The following PARD3B variants were observed in gnomAD, a reference collection of about 807,000 sequenced individuals.
PARD3B encodes partitioning defective 3 homolog B.
In PARD3B, 103 loss-of-function variants were observed where a neutral mutation model predicts 130.2. That is an observed-to-expected ratio of 0.79 (90% CI 0.67 to 0.93). The LOEUF (loss-of-function observed/expected upper bound fraction) is 0.93. PARD3B is among the 40% of genes least tolerant of loss of function. PARD3B has a pLI of 0.00. For missense variants in PARD3B, 1,609 were observed against 1,499.2 expected (o/e 1.07, Z -1.21); for synonymous variants, 583 against 553.2 (o/e 1.05, Z -0.76).
chr2:205,098,890 C>G (rs985165407), intron 4 of PARD3B, among the ~76,000 whole-genome samples: 20 of 152,014 alleles, frequency 1.3e-4, no homozygotes, highest in African/African-American at 4.1e-4. Context: ...TGTTTAAATC[C>G]AACTCATTTT....
chr2:204,841,530 A>T (rs1395626461), intron 2 of PARD3B, among the ~76,000 whole-genome samples: 1 of 152,154 alleles, frequency 6.6e-6, no homozygotes, highest in Admixed American at 6.5e-5. Context: ...TGTTACTGTC[A>T]GTGCCTGTTT....
chr2:204,682,420 C>T (rs2036877246), intron 1 of PARD3B, among the ~76,000 whole-genome samples: 1 of 152,102 alleles, frequency 6.6e-6, no homozygotes, highest in Non-Finnish European at 1.5e-5. Context: ...GTTAATCATA[C>T]AAAACACATA....
intron 2 of PARD3B, among the ~76,000 whole-genome samples, chr2:204,861,017 A>T (rs2045162492): frequency 6.6e-6 from 1 of 152,288 alleles, no homozygotes; most frequent in East Asian, 1.9e-4. Context: ...TTAGGGGGTT[A>T]TAGTCATTAC....
intron 21 of PARD3B, among the ~76,000 whole-genome samples, chr2:205,506,589 A>G (rs1247517514): frequency 6.6e-6 from 1 of 152,206 alleles, no homozygotes; most frequent in African/African-American, 2.4e-5. Flanking sequence ...AGATCATGCT[A>G]ACCATCTTAA....
At chr2:205,179,352 T>C (rs1428262616) in intron 13 of PARD3B, among the ~76,000 whole-genome samples, 7 of 151,498 alleles carry the variant, frequency 4.6e-5, no homozygotes, top group Non-Finnish European at 8.9e-5. Context: ...GTCTGTAATG[T>C]CTATAGTAGT....
At chr2:205,098,718 T>A (rs761346793) in intron 4 of PARD3B, among the ~76,000 whole-genome samples, 3 of 152,182 alleles carry the variant, frequency 2.0e-5, no homozygotes, top group Non-Finnish European at 4.4e-5. Context: ...GAGAGACCGT[T>A]GCCCCTCTTG....
At chr2:205,570,421 C>T (rs576439902) in intron 22 of PARD3B, among the ~76,000 whole-genome samples, 1 of 152,238 alleles carries the variant, frequency 6.6e-6, no homozygotes, top group Non-Finnish European at 1.5e-5. Context: ...TTATTTCATT[C>T]GTAAAAACTT....
At chr2:205,038,615 A>C (rs889863381) in intron 3 of PARD3B, among the ~76,000 whole-genome samples, 1 of 152,196 alleles carries the variant, frequency 6.6e-6, no homozygotes, top group East Asian at 1.9e-4. Flanking sequence ...AAGTGAGTTA[A>C]AAACCCCTTC....
At position 204,890,898 on chromosome 2, in the gene PARD3B, A is replaced by G. The variant is rs1341228942; in HGVS notation, c.223-74254A>G. ...AGGATTTAAAACAACTGTGACATTG[A>G]TCCTTTTCAACAGGCAAGAGATAAT... On this transcript the variant is annotated intron_variant, in intron 2 of 22. Coordinates refer to ENST00000406610, the MANE Select transcript of PARD3B (RefSeq NM_001302769.2). The surrounding 1 kb of genome is among the most constrained non-coding windows in gnomAD (Gnocchi z 4.9). 1.3e-5 allele frequency among the ~76,000 whole-genome samples: 2 copies of G among 151,994 alleles called. No individual in the cohort carries two copies. The highest frequency in any genetic ancestry group is 4.8e-5 in the African/African-American group (2 of 41,308).
chr2:204,939,610 T>G (rs1279540677), intron 2 of PARD3B, among the ~76,000 whole-genome samples: 6 of 152,352 alleles, frequency 3.9e-5, no homozygotes, highest in East Asian at 1.9e-4. Flanking sequence ...CAGGAATCAA[T>G]ATTTTTTAAC....
rs943473670 is a variant in PARD3B, at chr2:204,590,281, C to T, written c.120+44162C>T. 7.2e-5 allele frequency among the ~76,000 whole-genome samples: 11 copies of T among 152,210 alleles called. No homozygotes were observed. In the East Asian group the frequency reaches 1.7e-3, roughly 24 times the overall value. ...ACTAATTCCATTATGAGGGCCCCAT[C>T]CTTATGACTTAATTACCTTCCCAAC... On this transcript the variant is annotated intron_variant, in intron 1 of 22. Coordinates refer to ENST00000406610, the MANE Select transcript of PARD3B (RefSeq NM_001302769.2).
intron 16 of PARD3B, among the ~76,000 whole-genome samples, chr2:205,289,704 A>G (rs1422751206): frequency 6.6e-6 from 1 of 152,172 alleles, no homozygotes; most frequent in East Asian, 1.9e-4. Context: ...CCATTAACCC[A>G]TTCATAAATT....
At chr2:205,377,763 ATTTTTTTTT>A (rs3048124) in intron 18 of PARD3B, among the ~76,000 whole-genome samples, 2 of 117,494 alleles carry the variant, frequency 1.7e-5, no homozygotes, top group Non-Finnish European at 1.7e-5. Context: ...GTGTAATCCA[ATTTTTTTTT>A]TTTTTTTTTT....
At chr2:204,724,639 A>G (rs116247888) in intron 2 of PARD3B, among the ~76,000 whole-genome samples, 102 of 152,212 alleles carry the variant, frequency 6.7e-4, no homozygotes, top group Non-Finnish European at 1.2e-3. Context: ...TAACTTGGAG[A>G]GGTGACCCTT....
chr2:205,178,216 T>C (rs1576084287), intron 13 of PARD3B, among the ~76,000 whole-genome samples: 1 of 60,578 alleles, frequency 1.7e-5, no homozygotes, highest in Non-Finnish European at 3.4e-5. Flanking sequence ...TAATCCCAGC[T>C]ACTATGGGGG....
In PARD3B at chr2:204,790,251, G is replaced by A. The variant is rs73982522; in HGVS notation, c.222+103969G>A. Among the ~76,000 whole-genome samples the A allele has an allele frequency of 6.1e-3, 925 of 152,262 alleles. 12 individuals are homozygous for A. Among genetic ancestry groups the A allele is most frequent in the African/African-American group, 0.021 (881 of 41,564 alleles). Reference sequence around the variant, plus strand: ...TTCTACCAGCTCTTTATCTCTGGTTGTTTGTTTTGCAGTTAAAAACAAGAT... The same window carrying A: ...TTCTACCAGCTCTTTATCTCTGGTTATTTGTTTTGCAGTTAAAAACAAGAT... On this transcript the variant is annotated intron_variant, in intron 2 of 22. Transcript: ENST00000406610.
intron 2 of PARD3B, among the ~76,000 whole-genome samples, chr2:204,913,046 A>G (rs978630815): frequency 2.6e-5 from 4 of 152,238 alleles, no homozygotes; most frequent in African/African-American, 7.2e-5. Context: ...TGAATTTTCA[A>G]ATGTTTAACT....
chr2:204,618,460 A>G (rs1203296461), intron 1 of PARD3B, among the ~76,000 whole-genome samples: 2 of 152,212 alleles, frequency 1.3e-5, no homozygotes, highest in Non-Finnish European at 2.9e-5. Flanking sequence ...ATAAAGTGCT[A>G]TTCAGAGTGG....
At chr2:204,697,670 GT>G (rs1187343308) in intron 2 of PARD3B, among the ~76,000 whole-genome samples, 2 of 152,172 alleles carry the variant, frequency 1.3e-5, no homozygotes, top group East Asian at 3.9e-4. Context: ...TACATAGTCC[GT>G]TGTGATACAG....
Sources: allele counts gnomAD v4.1 joint callset (sites outside exome capture counted in the v4.1 genomes callset), GRCh38; gene constraint gnomAD v4.1.1; non-coding constraint Gnocchi (gnomAD v3.1); transcripts MANE v1.5; gene names NCBI Gene and HGNC (gene_info 2026-07-23, HGNC 2026-07-21).